The following SHMT1 variants were observed in gnomAD, a reference collection of about 807,000 sequenced individuals.
SHMT1 encodes the protein serine hydroxymethyltransferase, cytosolic.
A neutral mutation model predicts 49.0 loss-of-function variants in SHMT1; 45 were observed. The observed-to-expected ratio is 0.92, with a 90% CI of 0.72 to 1.18. SHMT1 has a LOEUF of 1.18. SHMT1 is among the 50% of genes most tolerant of loss of function. The pLI, the probability that SHMT1 is intolerant of heterozygous loss-of-function variation, is 0.00. For synonymous variants in SHMT1, 232 were observed against 246.6 expected (o/e 0.94, Z 0.55); for missense variants, 541 against 612.4 (o/e 0.88, Z 1.23).
At chr17:18,352,514 T>C (rs886817513) in intron 3 of SHMT1, among the ~76,000 whole-genome samples, 1 of 152,076 alleles carries the variant, frequency 6.6e-6, no homozygotes, top group African/African-American at 2.4e-5. Flanking sequence ...GAATGAAATA[T>C]TAGTTTTGAA....
intron 7 of SHMT1, among the ~76,000 whole-genome samples, chr17:18,338,908 C>A (rs1452516169): frequency 2.0e-5 from 3 of 152,038 alleles, no homozygotes; most frequent in Non-Finnish European, 2.9e-5. Context: ...ACAAACACTG[C>A]GGAAAGCCGC....
chr17:18,339,671 C>T (rs62072542), intron 7 of SHMT1, among the ~76,000 whole-genome samples: 130 of 152,304 alleles, frequency 8.5e-4, no homozygotes, highest in Admixed American at 2.2e-3. Flanking sequence ...CGCCATTCTC[C>T]TGCCTTCGCC....
chr17:18,350,059 T>C (rs1985521099), intron 3 of SHMT1, among the ~76,000 whole-genome samples: 1 of 151,990 alleles, frequency 6.6e-6, no homozygotes, highest in African/African-American at 2.4e-5. Flanking sequence ...CCGGGCACGG[T>C]GGCTCACGCC....
chr17:18,335,866 T>C (rs189493892), intron 7 of SHMT1, among the ~76,000 whole-genome samples, 191 bp from the exon 8 acceptor site: 104 of 152,312 alleles, frequency 6.8e-4, no homozygotes, highest in Non-Finnish European at 7.4e-5. Flanking sequence ...TATCTTTATT[T>C]TTTGGAAACC....
rs1290719373 is a variant in SHMT1, at chr17:18,347,502, G to C, written c.513C>G (p.Pro171=). 6.2e-7 allele frequency: 1 copy of C among 1,614,132 alleles called. No individual in the cohort carries two copies. Among genetic ancestry groups the C allele is most frequent in the Admixed American group, 1.7e-5 (1 of 60,014 alleles). Residue 171 remains proline (P), a synonymous_variant, in exon 5 of 12, where the codon CCC becomes CCG. Transcript: ENST00000316694. ...GAGAGAAACACATGCTTACCTTGTA[G>C]GGCATAGATTCAAAGAAGATGGACG... ...SATSIFFESM[P]YKVNPDTGYI... is the part of the protein sequence containing the mutation.
At chr17:18,332,953 C>T (rs1983376584) in intron 9 of SHMT1, 2 of 652,950 alleles carry the variant, frequency 3.1e-6, no homozygotes, top group African/African-American at 3.6e-5. Flanking sequence ...AACCACTATT[C>T]CCATCATCTG....
intron 5 of SHMT1, among the ~76,000 whole-genome samples, chr17:18,342,642 A>G (rs1984644883): frequency 6.6e-6 from 1 of 151,974 alleles, no homozygotes; most frequent in African/African-American, 2.4e-5. Flanking sequence ...GTGAAATCTA[A>G]AACAATCGAA....
intron 9 of SHMT1, chr17:18,332,835 CCTACCAGGTGTGTGACCA>C: frequency 2.5e-6 from 1 of 392,702 alleles, no homozygotes; most frequent in South Asian, 2.0e-5. Flanking sequence ...CCTGGTGCCA[CCTACCAGGTGTGTGACCA>C]CTACAGCCCA....
In SHMT1 at chr17:18,328,980, G is replaced by C. The variant is rs1425267771; in HGVS notation, c.1283-61C>G. The stretch of plus-strand genomic sequence containing the variant: ...ACACACCAAAGGGGGTACAATGGCT[G>C]GGGGCCGAGGCACAAATGTCAGAAT... On this transcript the variant is annotated intron_variant, in intron 11 of 11. Coordinates refer to ENST00000316694, the MANE Select transcript of SHMT1 (RefSeq NM_004169.5). 1.9e-6 allele frequency: 3 copies of C among 1,597,582 alleles called. No individual in the cohort carries two copies. The African/African-American group carries it at 4.0e-5, about 21-fold the overall frequency.
chr17:18,343,648 G>A lies in SHMT1; in HGVS notation c.520-2835C>T, dbSNP rs189646382. Reference sequence around the variant, plus strand: ...AAAAAAAAAGGGGTCAGCCGGATGCGGTGGCTCATGCCTGTAATACCAGCA... The same window carrying A: ...AAAAAAAAAGGGGTCAGCCGGATGCAGTGGCTCATGCCTGTAATACCAGCA... On this transcript the variant is annotated intron_variant, in intron 5 of 11. Transcript: ENST00000316694. Among the ~76,000 whole-genome samples, 7 of 145,736 alleles carry A rather than the reference G, an allele frequency of 4.8e-5. No individual in the cohort carries two copies. The South Asian group carries it at 1.3e-3, about 27-fold the overall frequency.
chr17:18,335,591 A>G lies in SHMT1; in HGVS notation c.899T>C (p.Leu300Pro). The G allele has an allele frequency of 6.2e-7, 1 of 1,612,806 alleles. No homozygotes were observed. The highest frequency in any genetic ancestry group is 8.5e-7 in the Non-Finnish European group (1 of 1,178,950). The change falls in exon 8 of 12, where the codon CTG becomes CCG. Residue 300 changes from leucine to proline, a missense_variant. Physicochemically the swap from Leu to Pro is moderately conservative, Grantham distance 98 (BLOSUM62 -3). Transcript: ENST00000316694. Reference sequence around the variant, plus strand: ...GGCGTGGTTGTGGGGACCTCCCTGCAGGCCAGGGAACACAGCAGAATTGAT... The same window carrying G: ...GGCGTGGTTGTGGGGACCTCCCTGCGGGCCAGGGAACACAGCAGAATTGAT... ...SLINSAVFPG[L>P]QGGPHNHAIA...
chr17:18,342,707 A>C (rs961735919), intron 5 of SHMT1, among the ~76,000 whole-genome samples: 1 of 149,160 alleles, frequency 6.7e-6, no homozygotes, highest in Non-Finnish European at 1.5e-5. Context: ...AGGCCGAGGC[A>C]GGTGGACCAC....
intron 1 of SHMT1, among the ~76,000 whole-genome samples, chr17:18,360,924 C>A (rs1164694894): frequency 3.9e-5 from 6 of 152,072 alleles, no homozygotes; most frequent in Admixed American, 2.6e-4. Flanking sequence ...AATCCCAGCA[C>A]TTTGGGAGGC....
intron 5 of SHMT1, chr17:18,341,376 C>G (rs1984488730): frequency 5.9e-6 from 1 of 168,084 alleles, no homozygotes; most frequent in African/African-American, 2.4e-5. Flanking sequence ...CGCGGTGGCT[C>G]ACACCTGTAA....
chr17:18,347,493 T>G lies in SHMT1; in HGVS notation c.519+3A>C. On this transcript the variant is annotated splice_donor_region_variant and intron_variant, in intron 5 of 11. Transcript: ENST00000316694. The stretch of plus-strand genomic sequence containing the variant: ...AAAAGCTAGGAGAGAAACACATGCT[T>G]ACCTTGTAGGGCATAGATTCAAAGA... 2 of 1,613,990 alleles carry G rather than the reference T, an allele frequency of 1.2e-6. No homozygotes were observed. Among genetic ancestry groups the G allele is most frequent in the Non-Finnish European group, 1.7e-6 (2 of 1,179,990 alleles).
intron 1 of SHMT1, among the ~76,000 whole-genome samples, chr17:18,361,306 AAAAAAAAAAC>A (rs1423893846): frequency 6.7e-6 from 1 of 150,086 alleles, no homozygotes; most frequent in Non-Finnish European, 1.5e-5. Context: ...CTCAAAAAAA[AAAAAAAAAAC>A]AAAAACAAAA....
intron 5 of SHMT1, among the ~76,000 whole-genome samples, chr17:18,345,084 C>T (rs1360531671): frequency 1.3e-5 from 2 of 152,128 alleles, no homozygotes; most frequent in African/African-American, 2.4e-5. Flanking sequence ...ACTCAAATCA[C>T]CCCCACAGCG....
rs1986968449 is a variant in SHMT1 at position 18,363,533 on chromosome 17, C to CT, written c.-182_-181insA. ...CTCGAGCTCAGGAAGGTGCACTCTG[C>CT]GCGCCAGGCTTGGGCTTGGCCCCGC... is the stretch of plus-strand genomic sequence containing the variant. On this transcript the variant is annotated 5_prime_UTR_variant, in exon 1 of 12. Coordinates refer to ENST00000316694, the MANE Select transcript of SHMT1 (RefSeq NM_004169.5). 1 of 152,426 alleles carries CT rather than the reference C, an allele frequency of 6.6e-6. No homozygotes were observed. The highest frequency in any genetic ancestry group is 2.4e-5 in the African/African-American group (1 of 41,592). The allele number at this position is 152,426 out of a possible 1,614,324, so 9.4% of individuals were successfully genotyped here.
In SHMT1 at chr17:18,345,156, C is replaced by T. The variant is rs1203938877; in HGVS notation, c.519+2340G>A. Among the ~76,000 whole-genome samples, 3 of 152,360 alleles carry T rather than the reference C, an allele frequency of 2.0e-5. No homozygotes were observed. The South Asian group carries it at 6.2e-4, about 32-fold the overall frequency. On this transcript the variant is annotated intron_variant, in intron 5 of 11. Transcript: ENST00000316694. ...GTCCCAGGCCCCACCTCTCCATGCCCATCCTGAGGTGGGTCCCCTCACTGC... is the reference window on the plus strand; with the variant it reads ...GTCCCAGGCCCCACCTCTCCATGCCTATCCTGAGGTGGGTCCCCTCACTGC...
Sources: allele counts gnomAD v4.1 joint callset (sites outside exome capture counted in the v4.1 genomes callset), GRCh38; gene constraint gnomAD v4.1.1; transcripts MANE v1.5; gene names NCBI Gene and HGNC (gene_info 2026-07-23, HGNC 2026-07-21).